KPNA1: variants seen among roughly 807,000 people sequenced by gnomAD.
KPNA1 encodes karyopherin subunit alpha 1.
Under a neutral mutation model 70.5 loss-of-function variants are expected in KPNA1, and 10 were observed. The ratio of observed to expected loss-of-function variants is 0.14; its 90% CI spans 0.09 to 0.24. The LOEUF (loss-of-function observed/expected upper bound fraction) is 0.24. KPNA1 is among the 10% of genes least tolerant of loss of function. KPNA1 has a pLI of 1.00. For missense variants in KPNA1, 397 were observed against 637.9 expected (o/e 0.62, Z 4.07); for synonymous variants, 192 against 221.9 (o/e 0.87, Z 1.20).
intron 5 of KPNA1, among the ~76,000 whole-genome samples, chr3:122,458,486 G>C (rs1427296925): frequency 6.6e-6 from 1 of 152,160 alleles, no homozygotes; most frequent in Admixed American, 6.5e-5. Context: ...AACATAAAAA[G>C]ACCCTTCAAT....
At chr3:122,476,881 A>AAAAAAAAAAAAAC (rs1560042634) in intron 2 of KPNA1, among the ~76,000 whole-genome samples, 9 of 150,036 alleles carry the variant, frequency 6.0e-5, no homozygotes, top group African/African-American at 2.2e-4. Context: ...AAAAAAAAAA[A>AAAAAAAAAAAAAC]AAACTAAAAA....
At chr3:122,429,828 G>T (rs1049072123) in intron 12 of KPNA1, among the ~76,000 whole-genome samples, 1 of 152,098 alleles carries the variant, frequency 6.6e-6, no homozygotes, top group Admixed American at 6.5e-5. Context: ...ATTGGTGAAA[G>T]AACAAACAAA....
In KPNA1 at chr3:122,500,678, G is replaced by C. The variant is rs1354065974; in HGVS notation, c.-5-4108C>G. Among the ~76,000 whole-genome samples the C allele has an allele frequency of 7.0e-4, 107 of 151,930 alleles. 1 individual carries two copies. The South Asian group carries it at 0.021, about 30-fold the overall frequency. ...TTATTATTATATATTGGGCTGGGGGGCTAGGGGGATAGAGATAGGGTCTCA... is the reference window on the plus strand; with the variant it reads ...TTATTATTATATATTGGGCTGGGGGCCTAGGGGGATAGAGATAGGGTCTCA... On this transcript the variant is annotated intron_variant, in intron 1 of 13. Transcript: ENST00000344337.
chr3:122,486,916 G>A (rs545032585), intron 2 of KPNA1, among the ~76,000 whole-genome samples: 1 of 152,268 alleles, frequency 6.6e-6, no homozygotes, highest in South Asian at 2.1e-4. Context: ...TCCCTTTGGA[G>A]GATGCTAAGA....
intron 1 of KPNA1, among the ~76,000 whole-genome samples, chr3:122,507,239 G>A (rs1452279882): frequency 1.3e-5 from 2 of 152,238 alleles, no homozygotes; most frequent in East Asian, 3.9e-4. Context: ...TCAGGAGTTC[G>A]AGACCAGCCT....
chr3:122,443,594 C>A (rs11922454), intron 9 of KPNA1, among the ~76,000 whole-genome samples: 34,059 of 151,922 alleles, frequency 0.22, 4,227 homozygotes, highest in Non-Finnish European at 0.27. Context: ...TAAGTGTTGG[C>A]CAGTCTAAGA....
At chr3:122,503,693 A>G (rs1335480872) in intron 1 of KPNA1, among the ~76,000 whole-genome samples, 1 of 152,146 alleles carries the variant, frequency 6.6e-6, no homozygotes, top group Non-Finnish European at 1.5e-5. Context: ...AATGGTCATT[A>G]TTTTTTCTCT....
intron 2 of KPNA1, among the ~76,000 whole-genome samples, chr3:122,494,447 T>C (rs551173727): frequency 6.6e-6 from 1 of 152,330 alleles, no homozygotes; most frequent in East Asian, 1.9e-4. Flanking sequence ...GTTGACAGTA[T>C]GGGGCTTTAT....
intron 9 of KPNA1, 42 bp downstream of exon 9, chr3:122,449,532 C>A: frequency 1.3e-6 from 2 of 1,531,626 alleles, no homozygotes; most frequent in East Asian, 2.3e-5. Context: ...AAACTAGTAC[C>A]AAGGGAGAGA....
intron 1 of KPNA1, among the ~76,000 whole-genome samples, chr3:122,499,639 G>T (rs1301174289): frequency 6.6e-6 from 1 of 151,958 alleles, no homozygotes; most frequent in Non-Finnish European, 1.5e-5. Context: ...TGCACCTGTA[G>T]TTCCAGGTAC....
At chr3:122,460,320 G>A (rs752177010) in intron 5 of KPNA1, 12 of 984,852 alleles carry the variant, frequency 1.2e-5, no homozygotes, top group Non-Finnish European at 1.4e-5. Flanking sequence ...TCAGCTGACT[G>A]TTGGTTTCTT....
At chr3:122,505,703 C>T (rs1038621802) in intron 1 of KPNA1, among the ~76,000 whole-genome samples, 5 of 152,200 alleles carry the variant, frequency 3.3e-5, no homozygotes, top group Non-Finnish European at 5.9e-5. Context: ...GAAACACACT[C>T]TTTCAAAGAC....
At chr3:122,469,081 A>G (rs1199883222) in intron 2 of KPNA1, among the ~76,000 whole-genome samples, 1 of 152,222 alleles carries the variant, frequency 6.6e-6, no homozygotes, top group Admixed American at 6.5e-5. Flanking sequence ...ACCAAACTGT[A>G]GCAGGCCATG....
At chr3:122,481,140 ACT>A (rs759103761) in intron 2 of KPNA1, among the ~76,000 whole-genome samples, 1 of 152,186 alleles carries the variant, frequency 6.6e-6, no homozygotes, top group Non-Finnish European at 1.5e-5. Flanking sequence ...CAGCAATTCC[ACT>A]CTCAGTATAC....
At chr3:122,485,377 T>A (rs1270584113) in intron 2 of KPNA1, among the ~76,000 whole-genome samples, 1 of 151,552 alleles carries the variant, frequency 6.6e-6, no homozygotes, top group Non-Finnish European at 1.5e-5. Context: ...TGGTCAACGG[T>A]AAGTGTTTCC....
intron 7 of KPNA1, 54 bp from the exon 8 acceptor site, chr3:122,451,687 T>A: frequency 8.9e-7 from 1 of 1,123,788 alleles, no homozygotes; most frequent in Admixed American, 1.9e-5. Context: ...GATTATCTGA[T>A]GACATAAATA....
chr3:122,442,319 T>C (rs536609526), intron 9 of KPNA1, among the ~76,000 whole-genome samples: 6 of 152,282 alleles, frequency 3.9e-5, no homozygotes, highest in African/African-American at 1.4e-4. Flanking sequence ...TTTAGTACAT[T>C]TGGAAAAAAC....
intron 2 of KPNA1, among the ~76,000 whole-genome samples, chr3:122,493,379 G>C (rs1576339593): frequency 6.7e-6 from 1 of 150,278 alleles, no homozygotes; most frequent in Admixed American, 6.6e-5. Context: ...AGTATGTGTA[G>C]CTCCCAGCCA....
chr3:122,504,021 G>A (rs1247702197), intron 1 of KPNA1, among the ~76,000 whole-genome samples: 1 of 152,214 alleles, frequency 6.6e-6, no homozygotes, highest in African/African-American at 2.4e-5. Flanking sequence ...TACAATAGTA[G>A]TTAATGCATG....
Sources: gnomAD v4.1 joint callset for allele counts (sites outside exome capture counted in the v4.1 genomes callset) on GRCh38, gnomAD v4.1.1 for gene constraint, MANE v1.5 for transcripts, NCBI Gene and HGNC (gene_info 2026-07-23, HGNC 2026-07-21) for gene names.